Variants in HEMK2 observed in about 807,000 individuals in gnomAD.
HEMK2 encodes HemK methyltransferase 2, ETF1 glutamine and histone H4 lysine.
At chr21:28,848,643 C>T in the HEMK2 span, among the ~76,000 whole-genome samples, 2 of 152,062 alleles carry the variant, frequency 1.3e-5, no homozygotes, top group Non-Finnish European at 2.9e-5. Flanking sequence ...AGAAACAATT[C>T]ATTTCTTTCA....
chr21:28,865,273 C>A, the HEMK2 span, among the ~76,000 whole-genome samples: 1 of 152,342 alleles, frequency 6.6e-6, no homozygotes, highest in Non-Finnish European at 1.5e-5. Flanking sequence ...TCAAGTGATT[C>A]TCCTCCCTCA....
the HEMK2 span, among the ~76,000 whole-genome samples, chr21:28,624,087 G>C: frequency 6.6e-6 from 1 of 152,142 alleles, no homozygotes. Context: ...AGAAGTTATT[G>C]TCTTATCAGC....
chr21:28,665,219 G>A, the HEMK2 span, among the ~76,000 whole-genome samples: 9 of 151,426 alleles, frequency 5.9e-5, no homozygotes, highest in East Asian at 1.9e-4. Context: ...GTGGTGAGAC[G>A]TCGCGATCTC....
chr21:28,623,090 C>A, the HEMK2 span, among the ~76,000 whole-genome samples: 1 of 152,020 alleles, frequency 6.6e-6, no homozygotes, highest in Non-Finnish European at 1.5e-5. Flanking sequence ...ATCCATCTGA[C>A]AAAAGGCCTT....
chr21:28,731,835 C>T, the HEMK2 span, among the ~76,000 whole-genome samples: 1 of 129,860 alleles, frequency 7.7e-6, no homozygotes, highest in African/African-American at 3.2e-5. Context: ...TGAGCAGTCC[C>T]TGGAGCCACC....
the HEMK2 span, among the ~76,000 whole-genome samples, chr21:28,633,065 C>G: frequency 1.3e-5 from 2 of 152,180 alleles, no homozygotes; most frequent in Non-Finnish European, 2.9e-5. Context: ...TTCTCTAAAA[C>G]CAGCCACCAA....
chr21:28,797,792 G>C, the HEMK2 span, among the ~76,000 whole-genome samples: 6 of 152,312 alleles, frequency 3.9e-5, no homozygotes, highest in South Asian at 1.0e-3. Flanking sequence ...ACAGTTGGAA[G>C]ATTAAAAAGG....
chr21:28,594,295 A>G, the HEMK2 span, among the ~76,000 whole-genome samples: 1 of 152,204 alleles, frequency 6.6e-6, no homozygotes, highest in Admixed American at 6.5e-5. Context: ...AGATAGAGAA[A>G]GGATAACAGG....
chr21:28,700,362 C>T, the HEMK2 span, among the ~76,000 whole-genome samples: 2 of 151,836 alleles, frequency 1.3e-5, no homozygotes, highest in Non-Finnish European at 2.9e-5. Flanking sequence ...TCTCAAAAAA[C>T]AAGGGGAATT....
the HEMK2 span, among the ~76,000 whole-genome samples, chr21:28,776,641 C>T: frequency 3.3e-5 from 5 of 152,256 alleles, no homozygotes; most frequent in East Asian, 9.6e-4. Context: ...AGTCTGAGTC[C>T]CAAAACCTCA....
chr21:28,729,416 T>C, the HEMK2 span, among the ~76,000 whole-genome samples: 3 of 152,048 alleles, frequency 2.0e-5, no homozygotes, highest in Non-Finnish European at 4.4e-5. Flanking sequence ...CTCTGCCAAG[T>C]CCTATAGCAG....
chr21:28,694,343 C>A, the HEMK2 span, among the ~76,000 whole-genome samples: 1 of 152,160 alleles, frequency 6.6e-6, no homozygotes, highest in African/African-American at 2.4e-5. Flanking sequence ...AACTAACATA[C>A]ACATCATCTT....
chr21:28,598,801 A>G, the HEMK2 span, among the ~76,000 whole-genome samples: 1 of 152,232 alleles, frequency 6.6e-6, no homozygotes, highest in Non-Finnish European at 1.5e-5. Flanking sequence ...ATCGCAGGAC[A>G]GTAAGTGAAA....
chr21:28,619,337 G>C, the HEMK2 span, among the ~76,000 whole-genome samples: 1 of 152,220 alleles, frequency 6.6e-6, no homozygotes, highest in African/African-American at 2.4e-5. Flanking sequence ...CTTATGAGAA[G>C]TTATTTTCTG....
the HEMK2 span, among the ~76,000 whole-genome samples, chr21:28,590,499 T>C: frequency 1.3e-5 from 2 of 152,206 alleles, no homozygotes; most frequent in East Asian, 1.9e-4. Context: ...AGTGAACACA[T>C]GCCACTTAAT....
At chr21:28,739,081 C>T in the HEMK2 span, among the ~76,000 whole-genome samples, 1 of 151,948 alleles carries the variant, frequency 6.6e-6, no homozygotes, top group Admixed American at 6.5e-5. Flanking sequence ...TAAAATGAAA[C>T]CAAAAAAACC....
chr21:28,689,180 T>C, the HEMK2 span, among the ~76,000 whole-genome samples: 9 of 152,320 alleles, frequency 5.9e-5, no homozygotes, highest in Non-Finnish European at 1.2e-4. Context: ...GCCAAAGTGA[T>C]TGAGGCATTC....
chr21:28,812,241 C>T, the HEMK2 span, among the ~76,000 whole-genome samples: 1 of 152,040 alleles, frequency 6.6e-6, no homozygotes, highest in African/African-American at 2.4e-5. Flanking sequence ...ATATAAAATT[C>T]CAGCTTTTGC....
the HEMK2 span, among the ~76,000 whole-genome samples, chr21:28,863,415 TATATATATATATATATATATATATATA>T: frequency 7.7e-4 from 6 of 7,818 alleles, no homozygotes; most frequent in African/African-American, 1.5e-3. Flanking sequence ...CCCTTTTATA[TATATATATATATATATATATATATATA>T]TATATATATA....
Sources: allele counts gnomAD v4.1 joint callset (sites outside exome capture counted in the v4.1 genomes callset), GRCh38; gene constraint gnomAD v4.1.1; transcripts MANE v1.5; gene names NCBI Gene and HGNC (gene_info 2026-07-23, HGNC 2026-07-21).